The following IRAG1 variants were observed in gnomAD, a reference collection of about 807,000 sequenced individuals.
IRAG1 encodes IP3R-associated cGMP kinase substrate.
Under a neutral mutation model 106.2 loss-of-function variants are expected in IRAG1, and 62 were observed. The observed-to-expected ratio is 0.58, with a 90% CI of 0.48 to 0.72. The LOEUF (loss-of-function observed/expected upper bound fraction) is 0.72, where lower values mean the gene tolerates loss of function less well. IRAG1 is among the 30% of genes least tolerant of loss of function. The pLI is 0.00. For synonymous variants in IRAG1, 462 were observed against 443.9 expected (o/e 1.04, Z -0.51); for missense variants, 1,064 against 1,140.7 (o/e 0.93, Z 0.97).
chr11:10,692,375 G>A (rs1331490524), intron 1 of IRAG1, among the ~76,000 whole-genome samples: 3 of 152,194 alleles, frequency 2.0e-5, no homozygotes, highest in Non-Finnish European at 4.4e-5. Flanking sequence ...AACTCATACA[G>A]GGTTTGAGTC....
intron 2 of IRAG1, among the ~76,000 whole-genome samples, chr11:10,642,556 G>A (rs1432781936): frequency 6.6e-6 from 1 of 152,258 alleles, no homozygotes; most frequent in Non-Finnish European, 1.5e-5. Context: ...GGAAGGCAAT[G>A]TGGGCTAGTG....
intron 1 of IRAG1, among the ~76,000 whole-genome samples, chr11:10,663,365 A>G (rs1357580554): frequency 2.0e-5 from 3 of 152,248 alleles, no homozygotes; most frequent in East Asian, 3.9e-4. Flanking sequence ...GTCTATTAGG[A>G]ACCTGTAGGA....
At chr11:10,606,337 C>T (rs1451022217) in intron 12 of IRAG1, among the ~76,000 whole-genome samples, 1 of 152,290 alleles carries the variant, frequency 6.6e-6, no homozygotes, top group East Asian at 1.9e-4. Context: ...TAGCTGAAAC[C>T]CTGAGGAGGC....
chr11:10,669,580 C>T (rs978401084), intron 1 of IRAG1, among the ~76,000 whole-genome samples: 4 of 152,162 alleles, frequency 2.6e-5, no homozygotes, highest in Non-Finnish European at 4.4e-5. Context: ...TAAGAAAATG[C>T]CATGGTGTGG....
At chr11:10,678,527 G>A (rs949706178) in intron 1 of IRAG1, among the ~76,000 whole-genome samples, 1 of 152,180 alleles carries the variant, frequency 6.6e-6, no homozygotes, top group Non-Finnish European at 1.5e-5. Context: ...TTCAGAGGAT[G>A]AAGTGATGCG....
intron 10 of IRAG1, 114 bp from the exon 11 acceptor site, chr11:10,609,965 T>C: frequency 1.0e-6 from 1 of 986,226 alleles, no homozygotes; most frequent in Non-Finnish European, 1.5e-6. Context: ...GTTAAGGGCT[T>C]TTTAATTGTT....
intron 9 of IRAG1, among the ~76,000 whole-genome samples, chr11:10,624,909 T>C (rs550536968): frequency 2.0e-5 from 3 of 152,310 alleles, no homozygotes; most frequent in African/African-American, 7.2e-5. Context: ...ATCGGCCCCT[T>C]GGCTCCAACT....
intron 2 of IRAG1, among the ~76,000 whole-genome samples, chr11:10,635,723 T>G (rs1857097619): frequency 6.6e-6 from 1 of 152,254 alleles, no homozygotes; most frequent in African/African-American, 2.4e-5. Context: ...TTTCCCATTT[T>G]CATTTTCATC....
Position 10,576,518 on chromosome 11 carries a change from G to C in IRAG1, c.2553C>G (p.His851Gln). The change falls in exon 21 of 21, where the codon CAC (histidine) becomes CAG (glutamine). Residue 851 changes from histidine (H) to glutamine (Q), a missense_variant. Coordinates refer to ENST00000423302, the MANE Select transcript of IRAG1 (RefSeq NM_130385.4). Reference sequence around the variant, plus strand: ...CAGCCATCATCCAGATCACTTGCCAGTGCTGACACAGTTTGGGATACATGA... The same window carrying C: ...CAGCCATCATCCAGATCACTTGCCACTGCTGACACAGTTTGGGATACATGA... Reference protein sequence around the residue: ...LQVMYPKLCQHWQVIWMMAAV... With the variant: ...LQVMYPKLCQQWQVIWMMAAV... The C allele has an allele frequency of 6.2e-7, 1 of 1,614,028 alleles. No homozygotes were observed. Among genetic ancestry groups the C allele is most frequent in the Non-Finnish European group, 8.5e-7 (1 of 1,179,894 alleles).
chr11:10,629,795 G>A (rs78425564), intron 4 of IRAG1, 84 bp from the exon 5 acceptor site: 44,978 of 1,430,826 alleles, frequency 0.031, 870 homozygotes, highest in Middle Eastern at 0.052. Context: ...CCTCATCCCA[G>A]GGACTCTGCC....
At position 10,575,584 on chromosome 11, in the gene IRAG1, T is replaced by A. The variant is rs1436156291; in HGVS notation, c.*748A>T. 1 of 152,220 alleles carries A rather than the reference T, an allele frequency of 6.6e-6. No homozygotes were observed. The highest frequency in any genetic ancestry group is 1.9e-4 in the East Asian group (1 of 5,196). 9.4% of individuals were successfully genotyped at this position (152,220 alleles called of 1,614,324 possible). On this transcript the variant is annotated 3_prime_UTR_variant, in exon 21 of 21. Transcript: ENST00000423302. ...GTTGGCTTGGCATGCATCTTATTTA[T>A]CCAGAGGTACACACCCAGAGCACAC...
intron 10 of IRAG1, among the ~76,000 whole-genome samples, chr11:10,620,143 T>C (rs1397841227): frequency 1.3e-5 from 2 of 152,172 alleles, no homozygotes; most frequent in Non-Finnish European, 2.9e-5. Flanking sequence ...TAAAGATCTA[T>C]GTAAGATAGT....
chr11:10,598,925 G>A (rs539465357), intron 15 of IRAG1, among the ~76,000 whole-genome samples: 1 of 152,196 alleles, frequency 6.6e-6, no homozygotes, highest in East Asian at 1.9e-4. Flanking sequence ...AAAGATTGCA[G>A]AGGTTGTATA....
intron 7 of IRAG1, 74 bp downstream of exon 7, chr11:10,627,899 G>T: frequency 6.4e-7 from 1 of 1,573,732 alleles, no homozygotes; most frequent in Non-Finnish European, 8.7e-7. Context: ...GTCACGAAGG[G>T]CCTCCTGGTG....
chr11:10,585,840 G>T (rs1445972435), intron 18 of IRAG1, among the ~76,000 whole-genome samples: 2 of 152,082 alleles, frequency 1.3e-5, no homozygotes, highest in African/African-American at 4.8e-5. Context: ...ATTGGTGCTG[G>T]GACTCTCACC....
intron 14 of IRAG1, among the ~76,000 whole-genome samples, chr11:10,602,590 G>A (rs543261696): frequency 1.3e-5 from 2 of 152,322 alleles, no homozygotes; most frequent in African/African-American, 4.8e-5. Context: ...CGCCACTAAC[G>A]CTTTTACTTT....
At chr11:10,624,647 G>A (rs981028374) in intron 9 of IRAG1, among the ~76,000 whole-genome samples, 1 of 152,080 alleles carries the variant, frequency 6.6e-6, no homozygotes, top group Non-Finnish European at 1.5e-5. Flanking sequence ...CCAGCAGAGG[G>A]TGCTCATGAT....
rs776052038 is a variant in IRAG1 at position 10,591,596 on chromosome 11, C to T, written c.2192G>A (p.Gly731Glu). ...SLPALSESPN[G>E]KGSLPVTSAL... The stretch of plus-strand genomic sequence containing the variant: ...TGAAGTGACAGGTAGGCTGCCTTTC[C>T]CATTGGGTGATTCCGACTGAGTGAA... Residue 731 changes from glycine to glutamate, a missense_variant, in exon 18 of 21, where the codon GGG becomes GAG. Physicochemically the swap from Gly to Glu is moderately conservative, Grantham distance 98. Transcript: ENST00000423302. The T allele has an allele frequency of 4.1e-5, 66 of 1,596,224 alleles. No individual in the cohort carries two copies. Among genetic ancestry groups the T allele is most frequent in the Middle Eastern group, 1.7e-4 (1 of 6,042 alleles).
At chr11:10,597,479 C>T (rs1369383447) in intron 15 of IRAG1, among the ~76,000 whole-genome samples, 2 of 152,132 alleles carry the variant, frequency 1.3e-5, no homozygotes, top group African/African-American at 4.8e-5. Flanking sequence ...GTGCCCACCA[C>T]CACATCTGAC....
Sources: gnomAD v4.1 joint callset for allele counts (sites outside exome capture counted in the v4.1 genomes callset) on GRCh38, gnomAD v4.1.1 for gene constraint, MANE v1.5 for transcripts, NCBI Gene and HGNC (gene_info 2026-07-23, HGNC 2026-07-21) for gene names.